The following AIRIM variants were observed in gnomAD, a reference collection of about 807,000 sequenced individuals.
AIRIM encodes AFG2 interacting ribosome maturation factor.
chr1:37,689,542 C>G, the AIRIM span: 1 of 1,501,076 alleles, frequency 6.7e-7, no homozygotes, highest in Admixed American at 2.2e-5. Context: ...CTGACACTAG[C>G]TACATATAAA....
chr1:37,689,436 T>C, the AIRIM span: 1 of 696,462 alleles, frequency 1.4e-6, no homozygotes, highest in South Asian at 2.4e-5. Context: ...TGCCAGAAAA[T>C]GGCTTTCTGA....
chr1:37,686,314 C>T, the AIRIM span: 1 of 1,613,948 alleles, frequency 6.2e-7, no homozygotes, highest in East Asian at 2.2e-5. Context: ...ACCATTCCAA[C>T]ATGTCAGCCA....
At chr1:37,687,104 G>GTATA in the AIRIM span, among the ~76,000 whole-genome samples, 1 of 125,276 alleles carries the variant, frequency 8.0e-6, no homozygotes, top group African/African-American at 2.9e-5. Flanking sequence ...GTGTGTGTGT[G>GTATA]TGTGTGTATA....
At chr1:37,690,154 A>AT in the AIRIM span, 1 of 1,175,554 alleles carries the variant, frequency 8.5e-7, no homozygotes, top group Non-Finnish European at 1.1e-6. Context: ...GTAGCTGGGA[A>AT]TACAGGTGCC....
chr1:37,686,587 G>A, the AIRIM span: 1 of 834,156 alleles, frequency 1.2e-6, no homozygotes. Flanking sequence ...TGTAGGACGT[G>A]TAGGAGCATG....
the AIRIM span, chr1:37,682,349 C>A: frequency 6.6e-6 from 1 of 152,388 alleles, no homozygotes; most frequent in African/African-American, 2.4e-5. Context: ...GAAATGTAAC[C>A]CCGATGGACT....
At chr1:37,689,983 C>G in the AIRIM span, 1 of 1,449,452 alleles carries the variant, frequency 6.9e-7, no homozygotes, top group Non-Finnish European at 9.0e-7. Context: ...TTATCGTGTT[C>G]AGACAGGAGT....
the AIRIM span, chr1:37,690,365 T>A: frequency 7.8e-7 from 1 of 1,289,916 alleles, no homozygotes; most frequent in Non-Finnish European, 1.0e-6. Context: ...TTCAGAGGAT[T>A]CCTGGCGTCC....
At chr1:37,691,982 T>C in the AIRIM span, 74,428 of 152,796 alleles carry the variant, frequency 0.49, 18,424 homozygotes, top group East Asian at 0.71. Context: ...CCCCTTGCTC[T>C]GTCAAACCCT....
At chr1:37,685,721 A>G in the AIRIM span, among the ~76,000 whole-genome samples, 2 of 152,212 alleles carry the variant, frequency 1.3e-5, no homozygotes, top group East Asian at 3.9e-4. Context: ...AAGGCCCTAG[A>G]AAGTCGAGCC....
At chr1:37,690,141 C>T in the AIRIM span, 1 of 1,198,260 alleles carries the variant, frequency 8.3e-7, no homozygotes, top group Non-Finnish European at 1.1e-6. Flanking sequence ...CTCAGCCTCC[C>T]GAGTAGCTGG....
At chr1:37,689,794 C>T in the AIRIM span, 1 of 1,612,712 alleles carries the variant, frequency 6.2e-7, no homozygotes, top group South Asian at 1.1e-5. Context: ...GCAGGGCACT[C>T]TGCCACAGGC....
the AIRIM span, chr1:37,689,939 G>C: frequency 6.7e-7 from 1 of 1,491,754 alleles, no homozygotes; most frequent in Non-Finnish European, 8.9e-7. Context: ...AGTCAGTCGG[G>C]GAGGCACTGG....
the AIRIM span, chr1:37,683,702 A>G: frequency 2.8e-6 from 1 of 352,192 alleles, no homozygotes; most frequent in East Asian, 5.6e-5. Flanking sequence ...TCCTGAAAAG[A>G]AAGAACAAAA....
chr1:37,684,638 A>AAAG, the AIRIM span, among the ~76,000 whole-genome samples: 1 of 152,200 alleles, frequency 6.6e-6, no homozygotes, highest in Non-Finnish European at 1.5e-5. Context: ...AATAAATAAA[A>AAAG]GAGAAAACAG....
the AIRIM span, chr1:37,689,558 T>A: frequency 6.6e-7 from 1 of 1,518,920 alleles, no homozygotes; most frequent in Non-Finnish European, 8.9e-7. Flanking sequence ...ATAAAACACC[T>A]CGTTTTAAAA....
chr1:37,683,889 G>A, the AIRIM span: 2 of 162,468 alleles, frequency 1.2e-5, no homozygotes, highest in African/African-American at 4.8e-5. Context: ...CACATGGAGA[G>A]CAGTCAGAAA....
At chr1:37,682,377 C>T in the AIRIM span, 2 of 152,566 alleles carry the variant, frequency 1.3e-5, no homozygotes, top group Non-Finnish European at 2.9e-5. Flanking sequence ...GGCTGGCATT[C>T]TCCCACCCCT....
chr1:37,683,514 AG>A, the AIRIM span: 1 of 1,522,360 alleles, frequency 6.6e-7, no homozygotes. Flanking sequence ...TGAGAACCAG[AG>A]GGAGCCATAA....
Sources: allele counts gnomAD v4.1 joint callset (sites outside exome capture counted in the v4.1 genomes callset), GRCh38; gene constraint gnomAD v4.1.1; transcripts MANE v1.5; gene names NCBI Gene and HGNC (gene_info 2026-07-23, HGNC 2026-07-21).